FRMD5: variants seen among roughly 807,000 people sequenced by gnomAD.
The protein encoded by FRMD5 is FERM domain-containing protein 5.
In FRMD5, 20 loss-of-function variants were observed where a neutral mutation model predicts 69.0. That is an observed-to-expected ratio of 0.29 (90% CI 0.20 to 0.42). The LOEUF is 0.42. Among genes scored for constraint, FRMD5 ranks in the 10% least tolerant of loss-of-function variants. The pLI, the probability that FRMD5 is intolerant of heterozygous loss-of-function variation, is 1.00. For missense variants in FRMD5, 595 were observed against 708.6 expected, an observed-to-expected ratio of 0.84 and a Z score of 1.82; for synonymous variants, 271 against 260.1, an observed-to-expected ratio of 1.04 and a Z score of -0.40.
intron 1 of FRMD5, among the ~76,000 whole-genome samples, chr15:44,166,783 CAAAAAAAAAAAA>C (rs1006711939): frequency 1.9e-4 from 10 of 53,032 alleles, no homozygotes; most frequent in Non-Finnish European, 3.1e-4. Context: ...GACCCTATCT[CAAAAAAAAAAAA>C]AAAAAAAAAA....
chr15:43,932,062 T>C (rs1166662086), intron 1 of FRMD5, among the ~76,000 whole-genome samples: 18 of 152,210 alleles, frequency 1.2e-4, no homozygotes, highest in Non-Finnish European at 2.6e-4. Context: ...AAAACAGAGT[T>C]AATCTTACAT....
At chr15:44,161,588 A>G (rs1024175476) in intron 1 of FRMD5, among the ~76,000 whole-genome samples, 1 of 152,234 alleles carries the variant, frequency 6.6e-6, no homozygotes, top group South Asian at 2.1e-4. Context: ...CTCAATGTGT[A>G]ATCATTGTTG....
At chr15:44,149,877 T>C (rs1055021358) in intron 1 of FRMD5, among the ~76,000 whole-genome samples, 6 of 152,136 alleles carry the variant, frequency 3.9e-5, no homozygotes, top group Admixed American at 6.5e-5. Context: ...CATATGAACA[T>C]TTTGCAATGC....
chr15:44,190,767 G>A (rs1276993030), intron 1 of FRMD5, among the ~76,000 whole-genome samples: 1 of 152,176 alleles, frequency 6.6e-6, no homozygotes, highest in East Asian at 1.9e-4. Flanking sequence ...AAGAAAATTT[G>A]AAGTGAAGTT....
intron 1 of FRMD5, among the ~76,000 whole-genome samples, chr15:43,967,318 C>T (rs2090310574): frequency 6.6e-6 from 1 of 151,846 alleles, no homozygotes; most frequent in African/African-American, 2.4e-5. Context: ...CTACAACCTC[C>T]ACCTCCCGGG....
intron 1 of FRMD5, among the ~76,000 whole-genome samples, chr15:43,928,460 G>T (rs1430502808): frequency 6.6e-6 from 1 of 152,224 alleles, no homozygotes; most frequent in Non-Finnish European, 1.5e-5. Flanking sequence ...CACACCTGTG[G>T]CTGGTGGAGT....
chr15:44,101,162 AC>A lies in FRMD5; in HGVS notation c.102+93790del, dbSNP rs1323638924. ...ATACTCCATCTCAAAAAAAAAAACAACAAACAAACAGAAAAGAAAAAAGAAA... is the reference window on the plus strand; with the variant it reads ...ATACTCCATCTCAAAAAAAAAAACAAAAACAAACAGAAAAGAAAAAAGAAA... On this transcript the variant is annotated intron_variant, in intron 1 of 13. Coordinates refer to ENST00000417257, the MANE Select transcript of FRMD5 (RefSeq NM_032892.5). Among the ~76,000 whole-genome samples, 8 of 151,204 alleles carry A rather than the reference AC, an allele frequency of 5.3e-5. No individual in the cohort carries two copies. The East Asian group carries it at 9.7e-4, about 18-fold the overall frequency.
At chr15:44,188,965 A>C (rs920727017) in intron 1 of FRMD5, among the ~76,000 whole-genome samples, 4 of 151,864 alleles carry the variant, frequency 2.6e-5, no homozygotes, top group African/African-American at 9.7e-5. Flanking sequence ...AGCTATAATC[A>C]CTGTCAAAGG....
intron 1 of FRMD5, among the ~76,000 whole-genome samples, chr15:44,046,299 T>C (rs1276966024): frequency 1.3e-5 from 2 of 152,126 alleles, no homozygotes; most frequent in Non-Finnish European, 2.9e-5. Flanking sequence ...AATTAATAAA[T>C]AGCTACAAAT....
chr15:44,065,722 T>C (rs1408395063), intron 1 of FRMD5, among the ~76,000 whole-genome samples: 1 of 152,144 alleles, frequency 6.6e-6, no homozygotes, highest in Non-Finnish European at 1.5e-5. Context: ...CAGTAGTCAA[T>C]AAGCATATAA....
At position 43,874,484 on chromosome 15, in the gene FRMD5, G is replaced by C. The variant is rs778814156; in HGVS notation, c.1136-22C>G. 3.2e-5 allele frequency: 51 copies of C among 1,590,234 alleles called. No homozygotes were observed. The East Asian group carries it at 1.1e-3, about 36-fold the overall frequency. On this transcript the variant is annotated intron_variant, in intron 13 of 13. Coordinates refer to ENST00000417257, the MANE Select transcript of FRMD5 (RefSeq NM_032892.5). ...AGGCCTAGAAAGGCAAAAGGAACATGAGTAGGCTGTGTCCCAATGCACCCT... is the reference window on the plus strand; with the variant it reads ...AGGCCTAGAAAGGCAAAAGGAACATCAGTAGGCTGTGTCCCAATGCACCCT...
At chr15:43,955,039 A>G (rs1001983427) in intron 1 of FRMD5, among the ~76,000 whole-genome samples, 2 of 152,270 alleles carry the variant, frequency 1.3e-5, no homozygotes, top group Admixed American at 6.5e-5. Context: ...AAAAAATGTC[A>G]TTTTACTGTT....
intron 1 of FRMD5, among the ~76,000 whole-genome samples, chr15:44,132,574 A>G (rs954464770): frequency 6.6e-6 from 1 of 151,972 alleles, no homozygotes; most frequent in Non-Finnish European, 1.5e-5. Flanking sequence ...GACTACAGAC[A>G]TGTGCTATCA....
chr15:44,188,057 A>C (rs1247245392), intron 1 of FRMD5, among the ~76,000 whole-genome samples: 1 of 152,170 alleles, frequency 6.6e-6, no homozygotes, highest in Non-Finnish European at 1.5e-5. Context: ...GCAATCCCTA[A>C]GTTGTAAGCC....
At chr15:43,894,827 G>A (rs2088877132) in intron 7 of FRMD5, among the ~76,000 whole-genome samples, 1 of 152,194 alleles carries the variant, frequency 6.6e-6, no homozygotes, top group African/African-American at 2.4e-5. Flanking sequence ...GCCACTCATT[G>A]TGTGGCTGTG....
rs34063043 is a variant in FRMD5, at chr15:43,875,804, G to GTT, written c.1136-1344_1136-1343dup. 319 of 210,526 alleles carry GTT rather than the reference G, an allele frequency of 1.5e-3. 22 individuals are homozygous for GTT. The highest frequency in any genetic ancestry group is 2.4e-3 in the South Asian group (31 of 13,024). The allele number at this position is 210,526 out of a possible 1,614,324, so 13.0% of individuals were successfully genotyped here. A position where few individuals can be genotyped will look rare whatever the true frequency, so the allele number is the denominator to read the frequency against. ...TCTTGCCTTTGGTGTCCTGGGCCTAGTTTTTTTTTTTTTTTTTTTTTTTCT... is the reference window on the plus strand; with the variant it reads ...TCTTGCCTTTGGTGTCCTGGGCCTAGTTTTTTTTTTTTTTTTTTTTTTTTTCT... On this transcript the variant is annotated intron_variant, in intron 13 of 13. Coordinates refer to ENST00000417257, the MANE Select transcript of FRMD5 (RefSeq NM_032892.5).
intron 1 of FRMD5, among the ~76,000 whole-genome samples, chr15:43,960,730 C>T (rs2090185443): frequency 6.6e-6 from 1 of 152,180 alleles, no homozygotes; most frequent in Admixed American, 6.5e-5. Flanking sequence ...TGAAAACCAA[C>T]AGTTCTCCTT....
At chr15:44,178,184 CATG>C (rs2077933779) in intron 1 of FRMD5, among the ~76,000 whole-genome samples, 1 of 151,930 alleles carries the variant, frequency 6.6e-6, no homozygotes, top group African/African-American at 2.4e-5. Context: ...ATTTGCCAGG[CATG>C]GTGGTGGGTG....
chr15:44,172,090 T>C (rs1239045316), intron 1 of FRMD5, among the ~76,000 whole-genome samples: 2 of 147,298 alleles, frequency 1.4e-5, no homozygotes, highest in Admixed American at 6.8e-5. Context: ...ACAATATCAC[T>C]ACACTTTTTT....
Sources: allele counts gnomAD v4.1 joint callset (sites outside exome capture counted in the v4.1 genomes callset), GRCh38; gene constraint gnomAD v4.1.1; transcripts MANE v1.5; gene names NCBI Gene and HGNC (gene_info 2026-07-23, HGNC 2026-07-21).